Variants in CSMD1 observed in about 807,000 individuals in gnomAD.
CSMD1 encodes CUB and Sushi multiple domains 1.
In CSMD1, 213 loss-of-function variants were observed where a neutral mutation model predicts 417.5. The observed-to-expected ratio is 0.51, with a 90% CI of 0.46 to 0.57. The LOEUF (loss-of-function observed/expected upper bound fraction) is 0.57, where lower values mean the gene tolerates loss of function less well. Ranked by LOEUF, CSMD1 falls within the 20% of genes least tolerant of loss-of-function variation. CSMD1 has a pLI of 0.00. For synonymous variants in CSMD1, 2,862 were observed against 1,736.8 expected (o/e 1.65, Z -16.11); for missense variants, 6,923 against 4,529.7 (o/e 1.53, Z -15.17).
chr8:4,116,326 C>G (rs1226939625), intron 3 of CSMD1, among the ~76,000 whole-genome samples: 2 of 152,132 alleles, frequency 1.3e-5, no homozygotes, highest in African/African-American at 2.4e-5. Flanking sequence ...TGAAACCACT[C>G]TGTATGATAC....
intron 23 of CSMD1, among the ~76,000 whole-genome samples, chr8:3,309,127 C>G (rs764005820): frequency 3.3e-5 from 5 of 150,834 alleles, no homozygotes; most frequent in Non-Finnish European, 5.9e-5. Flanking sequence ...TCTAGGACCT[C>G]TAGGAACGGG....
intron 18 of CSMD1, among the ~76,000 whole-genome samples, chr8:3,386,116 T>G (rs532142051): frequency 6.6e-6 from 1 of 152,284 alleles, no homozygotes; most frequent in Non-Finnish European, 1.5e-5. Flanking sequence ...CCATATTCCC[T>G]AGACAAATGG....
intron 22 of CSMD1, among the ~76,000 whole-genome samples, chr8:3,344,297 T>C (rs1365956179): frequency 6.6e-6 from 1 of 152,124 alleles, no homozygotes; most frequent in Non-Finnish European, 1.5e-5. Flanking sequence ...GAGGCTCAGG[T>C]AACAGAAACA....
chr8:3,405,843 C>G (rs1453723488), intron 15 of CSMD1, among the ~76,000 whole-genome samples, 184 bp downstream of exon 15: 2 of 152,202 alleles, frequency 1.3e-5, no homozygotes, highest in Non-Finnish European at 2.9e-5. Context: ...GCCGATGACA[C>G]CTGGATCTCA....
At chr8:3,676,351 C>T (rs963864002) in intron 7 of CSMD1, among the ~76,000 whole-genome samples, 8 of 152,092 alleles carry the variant, frequency 5.3e-5, no homozygotes, top group Admixed American at 2.0e-4. Flanking sequence ...GGTGGCCGCC[C>T]GCCAGGCAGG....
At chr8:4,200,663 C>G (rs1218715901) in intron 3 of CSMD1, among the ~76,000 whole-genome samples, 1 of 152,094 alleles carries the variant, frequency 6.6e-6, no homozygotes, top group African/African-American at 2.4e-5. Flanking sequence ...CAAGACCACC[C>G]TGGGCAAGGT....
At chr8:3,130,366 T>C (rs1415324199) in intron 41 of CSMD1, among the ~76,000 whole-genome samples, 1 of 152,114 alleles carries the variant, frequency 6.6e-6, no homozygotes, top group Non-Finnish European at 1.5e-5. Context: ...TGCAGGTGTG[T>C]TGGAGCTGAA....
chr8:4,791,885 A>C (rs187264330), intron 1 of CSMD1, among the ~76,000 whole-genome samples: 4 of 152,310 alleles, frequency 2.6e-5, no homozygotes, highest in Admixed American at 6.5e-5. Flanking sequence ...TGCATTCAGC[A>C]ACAATTGGTT....
chr8:4,921,550 T>C (rs1377113897), intron 1 of CSMD1, among the ~76,000 whole-genome samples: 1 of 152,210 alleles, frequency 6.6e-6, no homozygotes. Context: ...CTTTAAACTG[T>C]GAACATAGAA....
Position 4,119,099 on chromosome 8 carries a change from G to A in CSMD1, c.416-87000C>T, listed in dbSNP as rs189222716. 2.8e-4 allele frequency among the ~76,000 whole-genome samples: 43 copies of A among 152,172 alleles called. 1 individual carries two copies. Among genetic ancestry groups the A allele is most frequent in the African/African-American group, 9.4e-4 (39 of 41,510 alleles). On this transcript the variant is annotated intron_variant, in intron 3 of 69. Transcript: ENST00000635120. ...CACACAGGGACCTGTCAGTGGGTGGGGACAAGAGAAGGGAGATCATTAGGG... is the reference window on the plus strand; with the variant it reads ...CACACAGGGACCTGTCAGTGGGTGGAGACAAGAGAAGGGAGATCATTAGGG...
intron 3 of CSMD1, among the ~76,000 whole-genome samples, chr8:4,408,591 A>G (rs75050362): frequency 2.6e-5 from 4 of 152,216 alleles, no homozygotes; most frequent in Non-Finnish European, 5.9e-5. Flanking sequence ...AAAGTGAAGG[A>G]AGCAATTAAG....
At chr8:3,620,886 G>A (rs905955939) in intron 7 of CSMD1, among the ~76,000 whole-genome samples, 5 of 152,050 alleles carry the variant, frequency 3.3e-5, no homozygotes, top group Admixed American at 2.0e-4. Flanking sequence ...CCTCCTCCCC[G>A]CAAAGGGTTA....
intron 10 of CSMD1, among the ~76,000 whole-genome samples, chr8:3,561,941 C>G (rs1250738404): frequency 6.6e-6 from 1 of 152,262 alleles, no homozygotes; most frequent in South Asian, 2.1e-4. Flanking sequence ...GATGATCTCC[C>G]GTGAGCTGCG....
At chr8:3,022,632 CAAAT>C (rs1225110219) in intron 51 of CSMD1, among the ~76,000 whole-genome samples, 1 of 141,176 alleles carries the variant, frequency 7.1e-6, no homozygotes, top group Non-Finnish European at 1.5e-5. Context: ...GTGAGTGTGA[CAAAT>C]AAACATAAAC....
At chr8:4,020,518 C>T (rs1160850649) in intron 4 of CSMD1, among the ~76,000 whole-genome samples, 1 of 152,174 alleles carries the variant, frequency 6.6e-6, no homozygotes, top group Non-Finnish European at 1.5e-5. Flanking sequence ...CTACTGCTTT[C>T]TGGATGGGTG....
chr8:3,549,482 T>C (rs903435714), intron 10 of CSMD1, among the ~76,000 whole-genome samples: 5 of 152,192 alleles, frequency 3.3e-5, no homozygotes, highest in African/African-American at 9.6e-5. Context: ...CAGTGAGAGA[T>C]GGGACCATTA....
chr8:3,591,380 G>C (rs765227368), intron 8 of CSMD1, among the ~76,000 whole-genome samples: 26 of 152,174 alleles, frequency 1.7e-4, no homozygotes, highest in Non-Finnish European at 3.7e-4. Flanking sequence ...CTTTCTAAGT[G>C]AGTAAACTAT....
chr8:4,750,975 G>T (rs1381165778), intron 1 of CSMD1, among the ~76,000 whole-genome samples: 3 of 152,188 alleles, frequency 2.0e-5, no homozygotes, highest in African/African-American at 7.2e-5. Context: ...CACTTTAAGG[G>T]AAGGCTTTAA....
intron 2 of CSMD1, among the ~76,000 whole-genome samples, chr8:4,450,512 G>T (rs1563187934): frequency 6.6e-6 from 1 of 152,092 alleles, no homozygotes. Context: ...GTGCGGGCCT[G>T]TAGTGCCAGC....
Sources: gnomAD v4.1 joint callset for allele counts (sites outside exome capture counted in the v4.1 genomes callset) on GRCh38, gnomAD v4.1.1 for gene constraint, MANE v1.5 for transcripts, NCBI Gene and HGNC (gene_info 2026-07-23, HGNC 2026-07-21) for gene names.